The following CTNNA3 variants were observed in gnomAD, a reference collection of about 807,000 sequenced individuals.
CTNNA3 encodes the protein catenin alpha 3.
A neutral mutation model predicts 95.7 loss-of-function variants in CTNNA3; 76 were observed. The observed-to-expected ratio is 0.79, with a 90% CI of 0.66 to 0.96. The LOEUF (loss-of-function observed/expected upper bound fraction) is 0.96, where lower values mean the gene tolerates loss of function less well. Ranked by LOEUF, CTNNA3 falls within the 40% of genes least tolerant of loss-of-function variation. The probability of loss-of-function intolerance (pLI) is 0.00; values close to 1 mark genes in which losing one functional copy is unlikely to be tolerated. For missense variants in CTNNA3, 1,191 were observed against 1,089.8 expected (o/e 1.09, Z -1.31); for synonymous variants, 431 against 374.4 (o/e 1.15, Z -1.74).
intron 15 of CTNNA3, among the ~76,000 whole-genome samples, chr10:66,053,375 A>T (rs1027163990): frequency 2.0e-5 from 3 of 151,652 alleles, no homozygotes; most frequent in Non-Finnish European, 2.9e-5. Context: ...TTATTTTTAA[A>T]TTTTGTGGGT....
chr10:67,726,300 A>G (rs1473766454), intron 1 of CTNNA3, among the ~76,000 whole-genome samples: 1 of 64,978 alleles, frequency 1.5e-5, no homozygotes, highest in Non-Finnish European at 2.5e-5. Context: ...TATATATGAT[A>G]TTATCTTACA....
intron 1 of CTNNA3, among the ~76,000 whole-genome samples, chr10:67,751,745 A>G (rs1841408796): frequency 6.6e-6 from 1 of 151,922 alleles, no homozygotes; most frequent in African/African-American, 2.4e-5. Context: ...GGACACATAC[A>G]TCATCTCAAG....
chr10:66,520,592 A>G (rs753630072), intron 11 of CTNNA3, 25 bp downstream of exon 11: 33 of 1,578,760 alleles, frequency 2.1e-5, no homozygotes, highest in Admixed American at 7.1e-5. Context: ...GAGAAAATAA[A>G]CAAATTAAAA....
intron 5 of CTNNA3, among the ~76,000 whole-genome samples, chr10:67,229,167 T>C (rs1024037504): frequency 3.9e-5 from 6 of 152,152 alleles, no homozygotes; most frequent in Non-Finnish European, 5.9e-5. Flanking sequence ...GTTTAACATA[T>C]GCAAGTCAAT....
At chr10:67,419,050 G>A (rs976388543) in intron 5 of CTNNA3, among the ~76,000 whole-genome samples, 2 of 152,000 alleles carry the variant, frequency 1.3e-5, no homozygotes, top group Non-Finnish European at 2.9e-5. Context: ...CAGGATTCTT[G>A]TTACATTGAC....
chr10:66,762,856 T>C (rs953978889), intron 9 of CTNNA3, among the ~76,000 whole-genome samples: 1 of 152,158 alleles, frequency 6.6e-6, no homozygotes, highest in African/African-American at 2.4e-5. Flanking sequence ...TAGAAATCTT[T>C]AAATATGGGC....
chr10:67,554,230 G>A (rs913289068), intron 3 of CTNNA3, among the ~76,000 whole-genome samples: 3 of 152,216 alleles, frequency 2.0e-5, no homozygotes, highest in African/African-American at 7.2e-5. Flanking sequence ...ACGTGTGCAT[G>A]TGTCTTTGTA....
At chr10:66,003,921 A>C (rs937256764) in intron 15 of CTNNA3, among the ~76,000 whole-genome samples, 1 of 152,228 alleles carries the variant, frequency 6.6e-6, no homozygotes, top group Non-Finnish European at 1.5e-5. Context: ...GGACATGCCC[A>C]TAATTGCGCA....
At chr10:67,565,871 A>T (rs946376073) in intron 3 of CTNNA3, among the ~76,000 whole-genome samples, 1 of 135,336 alleles carries the variant, frequency 7.4e-6, no homozygotes, top group African/African-American at 2.8e-5. Flanking sequence ...AATGAAGCCA[A>T]TATATAAAAA....
At chr10:66,316,494 G>C (rs1174872919) in intron 12 of CTNNA3, among the ~76,000 whole-genome samples, 1 of 151,870 alleles carries the variant, frequency 6.6e-6, no homozygotes, top group East Asian at 1.9e-4. Context: ...TGCACAAGAA[G>C]GGAACCAGCC....
At chr10:67,178,549 T>A (rs1862352059) in intron 7 of CTNNA3, among the ~76,000 whole-genome samples, 1 of 152,126 alleles carries the variant, frequency 6.6e-6, no homozygotes, top group African/African-American at 2.4e-5. Flanking sequence ...CATTTTCATT[T>A]TGTATTAGGC....
rs1451071914 is a variant in CTNNA3, at chr10:67,237,173, TAC to T, written c.580-17305_580-17304del. On this transcript the variant is annotated intron_variant, in intron 5 of 17. Coordinates refer to ENST00000433211, the MANE Select transcript of CTNNA3 (RefSeq NM_013266.4). ...ATATATATATATATATATATATATA[TAC>T]ACACACAATGGAATACTACTCAGTC... is the stretch of plus-strand genomic sequence containing the variant. Among the ~76,000 whole-genome samples the T allele has an allele frequency of 7.1e-5, 8 of 112,832 alleles. No homozygotes were observed. In the South Asian group the frequency reaches 1.9e-3, roughly 27 times the overall value. The allele number at this position is 112,832 out of a possible 152,430, so 74.0% of individuals were successfully genotyped here. A position where few individuals can be genotyped will look rare whatever the true frequency, so the allele number is the denominator to read the frequency against.
chr10:67,133,707 G>A (rs1860152478), intron 7 of CTNNA3, among the ~76,000 whole-genome samples: 1 of 152,016 alleles, frequency 6.6e-6, no homozygotes, highest in South Asian at 2.1e-4. Context: ...GTACGTCTTG[G>A]AGTTTAAGAT....
intron 13 of CTNNA3, among the ~76,000 whole-genome samples, chr10:66,118,545 T>A (rs2082436166): frequency 1.3e-5 from 2 of 152,206 alleles, no homozygotes; most frequent in Non-Finnish European, 2.9e-5. Context: ...AATCTTTTCT[T>A]CCCTTCTAAC....
At chr10:66,277,081 T>G (rs986954849) in intron 13 of CTNNA3, among the ~76,000 whole-genome samples, 1 of 152,050 alleles carries the variant, frequency 6.6e-6, no homozygotes, top group African/African-American at 2.4e-5. Context: ...ATAACCTCAC[T>G]TGTCTACACA....
At chr10:67,304,058 T>C (rs1303318201) in intron 5 of CTNNA3, among the ~76,000 whole-genome samples, 2 of 152,356 alleles carry the variant, frequency 1.3e-5, no homozygotes, top group Middle Eastern at 3.4e-3. Flanking sequence ...TCCTTGTTCT[T>C]AGTTCTATAC....
chr10:67,434,325 T>C (rs1363120785), intron 5 of CTNNA3, among the ~76,000 whole-genome samples: 1 of 151,980 alleles, frequency 6.6e-6, no homozygotes, highest in East Asian at 1.9e-4. Context: ...TCATTAGTAC[T>C]AAATAGGATA....
chr10:67,009,814 C>T lies in CTNNA3; in HGVS notation c.1047+170503G>A, dbSNP rs140715817. 3.6e-3 allele frequency among the ~76,000 whole-genome samples: 549 copies of T among 152,248 alleles called. 3 individuals are homozygous for T. The highest frequency in any genetic ancestry group is 0.012 in the African/African-American group (503 of 41,550). On this transcript the variant is annotated intron_variant, in intron 7 of 17. Transcript: ENST00000433211. ...TTCCTTTTCCCAGGTCACACCTCTC[C>T]ATCTGGAGTGAGTGGCTAAAAACAT... is the stretch of plus-strand genomic sequence containing the variant.
intron 13 of CTNNA3, among the ~76,000 whole-genome samples, chr10:66,104,760 A>G (rs929978895): frequency 1.3e-5 from 2 of 152,226 alleles, no homozygotes; most frequent in Non-Finnish European, 2.9e-5. Flanking sequence ...TTTCATGCAC[A>G]TATGGCTGCT....
Sources: gnomAD v4.1 joint callset for allele counts (sites outside exome capture counted in the v4.1 genomes callset) on GRCh38, gnomAD v4.1.1 for gene constraint, MANE v1.5 for transcripts, NCBI Gene and HGNC (gene_info 2026-07-23, HGNC 2026-07-21) for gene names.